The following WDR27 variants were observed in gnomAD, a reference collection of about 807,000 sequenced individuals.
WDR27 encodes WD repeat-containing protein 27.
WDR27 carries 100 observed loss-of-function variants against 114.4 expected under a neutral mutation model. That is an observed-to-expected ratio of 0.87 (90% CI 0.74 to 1.03). WDR27 has a LOEUF of 1.03. Ranked by LOEUF, WDR27 falls within the 50% of genes least tolerant of loss-of-function variation. The pLI is 0.00. For synonymous variants in WDR27, 449 were observed against 423.1 expected, an observed-to-expected ratio of 1.06 and a Z score of -0.75; for missense variants, 1,129 against 1,092.9, an observed-to-expected ratio of 1.03 and a Z score of -0.47.
chr6:169,542,741 T>C (rs1232140407), intron 25 of WDR27, among the ~76,000 whole-genome samples: 1 of 152,022 alleles, frequency 6.6e-6, no homozygotes, highest in African/African-American at 2.4e-5. Flanking sequence ...AAGGGAATCA[T>C]ATTTCAACTA....
At chr6:169,631,708 G>A (rs999964600) in intron 21 of WDR27, among the ~76,000 whole-genome samples, 2 of 152,176 alleles carry the variant, frequency 1.3e-5, no homozygotes, top group Non-Finnish European at 2.9e-5. Flanking sequence ...TGCTGCACCC[G>A]TTAAAGTCTT....
intron 24 of WDR27, among the ~76,000 whole-genome samples, chr6:169,572,929 TAAC>T (rs1448716150): frequency 6.6e-6 from 1 of 152,184 alleles, no homozygotes; most frequent in Non-Finnish European, 1.5e-5. Context: ...CTACATGATA[TAAC>T]TACTTATAGA....
chr6:169,545,708 G>C lies in WDR27; in HGVS notation c.2645+26711C>G, dbSNP rs147086450. On this transcript the variant is annotated intron_variant, in intron 25 of 25. Coordinates refer to ENST00000448612, the MANE Select transcript of WDR27 (RefSeq NM_182552.5). ...AATAAAAAACTTCTGCTCTGTGAAA[G>C]ACCCTGTCAAGAGGATAAAAAGGTG... is the stretch of plus-strand genomic sequence containing the variant. Among the ~76,000 whole-genome samples, 265 of 152,142 alleles carry C rather than the reference G, an allele frequency of 1.7e-3. 3 individuals carry two copies. The highest frequency in any genetic ancestry group is 5.9e-3 in the African/African-American group (246 of 41,522).
chr6:169,502,601 C>T (rs1791459848), intron 25 of WDR27, among the ~76,000 whole-genome samples: 1 of 152,146 alleles, frequency 6.6e-6, no homozygotes, highest in Non-Finnish European at 1.5e-5. Context: ...CGGCCGACCC[C>T]GATCCGGGGC....
At position 169,665,215 on chromosome 6, in the gene WDR27, G is replaced by A. The variant is rs754345880; in HGVS notation, c.783+271C>T. The A allele has an allele frequency of 6.2e-5, 74 of 1,190,532 alleles. No individual in the cohort carries two copies. In the African/African-American group the frequency reaches 8.7e-4, roughly 14 times the overall value. 73.7% of individuals were successfully genotyped at this position (1,190,532 alleles called of 1,614,324 possible). On this transcript the variant is annotated intron_variant, in intron 7 of 25. Coordinates refer to ENST00000448612, the MANE Select transcript of WDR27 (RefSeq NM_182552.5). ...CTTCTCAGCAGGTTTTCAGGGTCAC[G>A]TGAGTGGCCCTCACTTTTGCTGCAC...
At chr6:169,484,434 A>C (rs1157695992) in intron 25 of WDR27, among the ~76,000 whole-genome samples, 1 of 152,222 alleles carries the variant, frequency 6.6e-6, no homozygotes, top group East Asian at 1.9e-4. Context: ...GGCCTCAAAA[A>C]GAATAAAATA....
chr6:169,607,393 TACACACACACACAC>T (rs199658563), intron 22 of WDR27, among the ~76,000 whole-genome samples: 25 of 99,378 alleles, frequency 2.5e-4, no homozygotes, highest in Non-Finnish European at 5.2e-4. Context: ...TGTGTGTGTA[TACACACACACACAC>T]ACACACACAC....
At chr6:169,666,364 CAGGTCACCAAAGT>C in intron 6 of WDR27, 4 of 982,840 alleles carry the variant, frequency 4.1e-6, no homozygotes, top group Non-Finnish European at 4.8e-6. Context: ...ATAACTCTAC[CAGGTCACCAAAGT>C]ATCTGTATAT....
In WDR27 at chr6:169,636,363, G is replaced by T. The variant is rs779404351; in HGVS notation, c.2003+8C>A. The T allele has an allele frequency of 2.5e-6, 4 of 1,613,424 alleles. No homozygotes were observed. In the South Asian group the frequency reaches 3.3e-5, roughly 13 times the overall value. The stretch of plus-strand genomic sequence containing the variant: ...CTAAAAATAATGCACAGGGCGGGGG[G>T]TGCCTACCTCTTAATCTCATCTTTG... On this transcript the variant is annotated splice_region_variant and intron_variant, in intron 19 of 25. Transcript: ENST00000448612.
intron 25 of WDR27, among the ~76,000 whole-genome samples, chr6:169,516,788 AACACACACACACACACACACAC>A (rs3032851): frequency 3.5e-4 from 42 of 119,326 alleles, no homozygotes; most frequent in African/African-American, 1.2e-3. Context: ...GGCATGCTCC[AACACACACACACACACACACAC>A]ACACACACAC....
In WDR27 at chr6:169,644,686, A is replaced by G. The variant is rs112163789; in HGVS notation, c.1658-900T>C. Reference sequence around the variant, plus strand: ...GCCTAGTTCATATGAGTCACACTGTAGAAAATCCTAGTTCATACGAGTCAC... The same window carrying G: ...GCCTAGTTCATATGAGTCACACTGTGGAAAATCCTAGTTCATACGAGTCAC... On this transcript the variant is annotated intron_variant, in intron 16 of 25. Transcript: ENST00000448612. 4.5e-3 allele frequency among the ~76,000 whole-genome samples: 655 copies of G among 144,190 alleles called. 11 individuals carry two copies. Among genetic ancestry groups the G allele is most frequent in the African/African-American group, 0.015 (517 of 35,486 alleles). 94.6% of individuals were successfully genotyped at this position (144,190 alleles called of 152,430 possible). A position where few individuals can be genotyped will look rare whatever the true frequency, so the allele number is the denominator to read the frequency against.
intron 25 of WDR27, among the ~76,000 whole-genome samples, chr6:169,530,800 C>G (rs570249838): frequency 6.6e-6 from 1 of 152,324 alleles, no homozygotes; most frequent in East Asian, 1.9e-4. Flanking sequence ...AGGCTCAATT[C>G]TAAATTTACC....
chr6:169,553,074 G>A, intron 25 of WDR27, among the ~76,000 whole-genome samples: 1 of 148,210 alleles, frequency 6.7e-6, no homozygotes, highest in African/African-American at 2.5e-5. Flanking sequence ...GTGTGTGTGT[G>A]TGTGTGTGTG....
At chr6:169,551,386 C>G (rs1798069363) in intron 25 of WDR27, among the ~76,000 whole-genome samples, 1 of 152,116 alleles carries the variant, frequency 6.6e-6, no homozygotes, top group African/African-American at 2.4e-5. Flanking sequence ...CTGATTTACT[C>G]CAGGCACCTC....
intron 24 of WDR27, among the ~76,000 whole-genome samples, chr6:169,576,573 CA>C (rs1456509169): frequency 6.6e-6 from 1 of 151,998 alleles, no homozygotes; most frequent in East Asian, 1.9e-4. Flanking sequence ...CCAGCCTGGG[CA>C]AAATAGTGAG....
chr6:169,680,582 A>C (rs1000718112), intron 2 of WDR27, among the ~76,000 whole-genome samples: 2 of 152,218 alleles, frequency 1.3e-5, no homozygotes, highest in African/African-American at 2.4e-5. Context: ...ACTCCATCTC[A>C]AAAGAAAAAA....
At chr6:169,641,662 G>A (rs1019441449) in intron 17 of WDR27, among the ~76,000 whole-genome samples, 110 of 152,324 alleles carry the variant, frequency 7.2e-4, no homozygotes, top group African/African-American at 2.5e-3. Flanking sequence ...GAAGCCACTC[G>A]GCGCAGCTCG....
At chr6:169,572,992 C>T (rs868079797) in intron 24 of WDR27, among the ~76,000 whole-genome samples, 3 of 149,582 alleles carry the variant, frequency 2.0e-5, no homozygotes, top group South Asian at 2.1e-4. Flanking sequence ...TGTGTCAATG[C>T]GCCGCATACC....
At chr6:169,566,515 G>T (rs1584262976) in intron 25 of WDR27, among the ~76,000 whole-genome samples, 3 of 152,246 alleles carry the variant, frequency 2.0e-5, no homozygotes, top group African/African-American at 7.2e-5. Context: ...CACGTGATGA[G>T]AAATGACATA....
Sources: allele counts gnomAD v4.1 joint callset (sites outside exome capture counted in the v4.1 genomes callset), GRCh38; gene constraint gnomAD v4.1.1; transcripts MANE v1.5; gene names NCBI Gene and HGNC (gene_info 2026-07-23, HGNC 2026-07-21).